TSHZ2: variants seen among roughly 807,000 people sequenced by gnomAD.
TSHZ2 encodes teashirt zinc finger homeobox 2.
TSHZ2 carries 21 observed loss-of-function variants against 74.4 expected under a neutral mutation model. That is an observed-to-expected ratio of 0.28 (90% CI 0.20 to 0.41). The LOEUF (loss-of-function observed/expected upper bound fraction) is 0.41, where lower values mean the gene tolerates loss of function less well. TSHZ2 is among the 10% of genes least tolerant of loss of function. The pLI, the probability that TSHZ2 is intolerant of heterozygous loss-of-function variation, is 1.00. For synonymous variants in TSHZ2, 540 were observed against 515.3 expected, an observed-to-expected ratio of 1.05 and a Z score of -0.65; for missense variants, 1,244 against 1,293.5, an observed-to-expected ratio of 0.96 and a Z score of 0.59.
At chr20:53,094,285 GTTT>G (rs1344806272) in intron 1 of TSHZ2, among the ~76,000 whole-genome samples, 1 of 152,044 alleles carries the variant, frequency 6.6e-6, no homozygotes, top group Non-Finnish European at 1.5e-5. Context: ...CGCTAGTTAT[GTTT>G]TTGTTTTCAT....
At chr20:53,366,568 C>G (rs1981265847) in intron 2 of TSHZ2, among the ~76,000 whole-genome samples, 1 of 152,212 alleles carries the variant, frequency 6.6e-6, no homozygotes, top group Non-Finnish European at 1.5e-5. Context: ...CTCTGCAAGT[C>G]TGTTCTCTTC....
chr20:53,046,947 A>G (rs1032074476), intron 1 of TSHZ2, among the ~76,000 whole-genome samples: 4 of 152,174 alleles, frequency 2.6e-5, no homozygotes, highest in Non-Finnish European at 4.4e-5. Flanking sequence ...ATCCCTGTGT[A>G]TCGCTCTAAG....
intron 1 of TSHZ2, among the ~76,000 whole-genome samples, chr20:53,139,750 A>G (rs1442341550): frequency 6.6e-6 from 1 of 152,180 alleles, no homozygotes; most frequent in African/African-American, 2.4e-5. Flanking sequence ...ATGTGCAAAA[A>G]ACTTGGTTCT....
chr20:52,979,654 G>A (rs1600627020), intron 1 of TSHZ2, among the ~76,000 whole-genome samples: 1 of 152,210 alleles, frequency 6.6e-6, no homozygotes, highest in South Asian at 2.1e-4. Context: ...TGGCCATTTG[G>A]AATTTTCAGT....
At chr20:53,418,966 C>A (rs149525656) in intron 2 of TSHZ2, among the ~76,000 whole-genome samples, 1 of 152,196 alleles carries the variant, frequency 6.6e-6, no homozygotes, top group South Asian at 2.1e-4. Flanking sequence ...CCCTCTCTCT[C>A]CTCCAGCCTC....
chr20:53,056,802 T>G (rs925663427), intron 1 of TSHZ2, among the ~76,000 whole-genome samples: 4 of 152,200 alleles, frequency 2.6e-5, no homozygotes, highest in African/African-American at 9.7e-5. Flanking sequence ...TTCCTCTCTC[T>G]CATGTGCCTG....
At chr20:53,284,233 G>A (rs1309591778) in intron 2 of TSHZ2, among the ~76,000 whole-genome samples, 4 of 152,124 alleles carry the variant, frequency 2.6e-5, no homozygotes, top group Non-Finnish European at 5.9e-5. Context: ...TCTTAGTTAC[G>A]CACGCCCATC....
At chr20:53,265,066 G>A (rs960541658) in intron 2 of TSHZ2, among the ~76,000 whole-genome samples, 70 of 152,136 alleles carry the variant, frequency 4.6e-4, no homozygotes, top group African/African-American at 1.5e-3. Flanking sequence ...GGGGTCAGGG[G>A]AGACACAGCT....
chr20:53,416,619 T>A (rs1054179861), intron 2 of TSHZ2, among the ~76,000 whole-genome samples: 2 of 152,216 alleles, frequency 1.3e-5, no homozygotes, highest in Non-Finnish European at 2.9e-5. Context: ...TGAGTACCTG[T>A]TACAGAAACC....
chr20:53,199,951 A>G (rs1438345168), intron 1 of TSHZ2, among the ~76,000 whole-genome samples: 2 of 152,198 alleles, frequency 1.3e-5, no homozygotes, highest in Non-Finnish European at 1.5e-5. Flanking sequence ...GACATAACAC[A>G]CATCCACGCG....
At chr20:53,414,233 C>T (rs1461044169) in intron 2 of TSHZ2, among the ~76,000 whole-genome samples, 1 of 152,152 alleles carries the variant, frequency 6.6e-6, no homozygotes, top group Admixed American at 6.5e-5. Flanking sequence ...AATGAGCCCT[C>T]GGGTTACAGG....
chr20:53,328,927 G>T (rs1348630041), intron 2 of TSHZ2, among the ~76,000 whole-genome samples: 1 of 152,132 alleles, frequency 6.6e-6, no homozygotes, highest in Non-Finnish European at 1.5e-5. Flanking sequence ...CAGTGGCAGG[G>T]TGTGAATAGT....
chr20:53,142,719 T>C (rs1051507979), intron 1 of TSHZ2, among the ~76,000 whole-genome samples: 4 of 152,126 alleles, frequency 2.6e-5, no homozygotes, highest in Non-Finnish European at 5.9e-5. Flanking sequence ...GCCTACTCAT[T>C]TGCAGAGTGC....
chr20:53,457,183 C>A (rs1185005749), intron 2 of TSHZ2, among the ~76,000 whole-genome samples: 1 of 142,956 alleles, frequency 7.0e-6, no homozygotes, highest in African/African-American at 2.7e-5. Context: ...ATTCTTCCTA[C>A]CCATGAGCAT....
intron 2 of TSHZ2, among the ~76,000 whole-genome samples, chr20:53,395,734 T>A (rs780892553): frequency 6.6e-6 from 1 of 152,236 alleles, no homozygotes; most frequent in African/African-American, 2.4e-5. Context: ...GTCATGAACA[T>A]GACCGTGCAG....
At chr20:52,989,803 G>A (rs747557295) in intron 1 of TSHZ2, among the ~76,000 whole-genome samples, 3 of 150,800 alleles carry the variant, frequency 2.0e-5, no homozygotes, top group African/African-American at 4.9e-5. Flanking sequence ...TTATTCTTTC[G>A]TATATGTTTT....
In TSHZ2 at chr20:53,351,018, C is replaced by T. The variant is rs975179147; in HGVS notation, c.*8+94447C>T. Reference sequence around the variant, plus strand: ...AGGTTCCAGCCATAATTTTTGGCCTCAGAATATTGCTGGGTGTTTTTTCCT... The same window carrying T: ...AGGTTCCAGCCATAATTTTTGGCCTTAGAATATTGCTGGGTGTTTTTTCCT... On this transcript the variant is annotated intron_variant, in intron 2 of 2. Coordinates refer to ENST00000371497, the MANE Select transcript of TSHZ2 (RefSeq NM_173485.6). Among the ~76,000 whole-genome samples, 14 of 152,294 alleles carry T rather than the reference C, an allele frequency of 9.2e-5. No homozygotes were observed. The East Asian group carries it at 2.7e-3, about 29-fold the overall frequency.
At chr20:53,057,353 G>A (rs1984673137) in intron 1 of TSHZ2, among the ~76,000 whole-genome samples, 1 of 152,160 alleles carries the variant, frequency 6.6e-6, no homozygotes, top group South Asian at 2.1e-4. Flanking sequence ...TGCAGTACCA[G>A]GCCCCTGGCA....
chr20:53,060,339 TC>T (rs1395748830), intron 1 of TSHZ2, among the ~76,000 whole-genome samples: 5 of 152,214 alleles, frequency 3.3e-5, no homozygotes, highest in African/African-American at 1.2e-4. Context: ...CTCTGATTTC[TC>T]AGGAGCTGTT....
Sources: gnomAD v4.1 joint callset for allele counts (sites outside exome capture counted in the v4.1 genomes callset) on GRCh38, gnomAD v4.1.1 for gene constraint, MANE v1.5 for transcripts, NCBI Gene and HGNC (gene_info 2026-07-23, HGNC 2026-07-21) for gene names.